Variants in MYF6 observed in about 807,000 individuals in gnomAD.
MYF6 encodes myogenic factor 6.
MYF6 carries 20 observed loss-of-function variants against 21.7 expected under a neutral mutation model. That is an observed-to-expected ratio of 0.92 (90% CI 0.65 to 1.34). MYF6 has a LOEUF of 1.34. Ranked by LOEUF, MYF6 falls within the 40% of genes most tolerant of loss-of-function variation. The pLI, the probability that MYF6 is intolerant of heterozygous loss-of-function variation, is 0.00. For missense variants in MYF6, 320 were observed against 304.1 expected (o/e 1.05, Z -0.39); for synonymous variants, 124 against 124.7 (o/e 0.99, Z 0.04).
rs143786238 is a variant in MYF6 at position 80,708,594 on chromosome 12, T to C, written c.590T>C (p.Leu197Pro). 1.2e-6 allele frequency: 2 copies of C among 1,614,160 alleles called. No homozygotes were observed. The highest frequency in any genetic ancestry group is 1.7e-6 in the Non-Finnish European group (2 of 1,180,020). The change falls in exon 2 of 3, where the codon CTC becomes CCC. Residue 197 changes from leucine (L) to proline (P), a missense_variant. Physicochemically the swap from Leu to Pro is moderately conservative, Grantham distance 98 (BLOSUM62 -3). Coordinates refer to ENST00000228641, the MANE Select transcript of MYF6 (RefSeq NM_002469.3). ...AGTGTTTCCGATCATTCCAGGGGGC[T>C]CGTGATAACGGCTAAGGAAGGTAAA... Reference protein sequence around the residue: ...WPSVSDHSRGLVITAKEGGAS... With the variant: ...WPSVSDHSRGPVITAKEGGAS...
Position 80,708,629 on chromosome 12 carries a change from C to T in MYF6, c.610+15C>T, listed in dbSNP as rs920442790. The T allele has an allele frequency of 5.0e-6, 8 of 1,611,188 alleles. No homozygotes were observed. The South Asian group carries it at 5.5e-5, about 11-fold the overall frequency. ...GGCTAAGGAAGGTAAAGTAAAAGGG[C>T]TCTGGGCCGCACCAGAGAAAATCCG... On this transcript the variant is annotated intron_variant, in intron 2 of 2. Transcript: ENST00000228641.
chr12:80,709,069 C>A lies in MYF6; in HGVS notation c.*109C>A, dbSNP rs1213659206. On this transcript the variant is annotated 3_prime_UTR_variant, in exon 3 of 3. Transcript: ENST00000228641. ...TTACATTAACATTTAGGAACCCAGACCGAAAAGTTGCTGAAAGGGAAGGAG... is the reference window on the plus strand; with the variant it reads ...TTACATTAACATTTAGGAACCCAGAACGAAAAGTTGCTGAAAGGGAAGGAG... 4 of 917,978 alleles carry A rather than the reference C, an allele frequency of 4.4e-6. No individual in the cohort carries two copies. The Admixed American group carries it at 8.1e-5, about 19-fold the overall frequency. 56.9% of individuals were successfully genotyped at this position (917,978 alleles called of 1,614,324 possible).
Position 80,707,936 on chromosome 12 carries a change from T to G in MYF6, c.217T>G (p.Cys73Gly), listed in dbSNP as rs1447878155. Residue 73 changes from cysteine to glycine, a missense_variant, in exon 1 of 3, where the codon TGC (cysteine) becomes GGC (glycine). Cys to Gly is a radical substitution (Grantham distance 159). Coordinates refer to ENST00000228641, the MANE Select transcript of MYF6 (RefSeq NM_002469.3). ...GCCCCCGGGCCTGCAGCCTCCACAC[T>G]GCCCCGGCCAGTGTCTGATCTGGGC... is the stretch of plus-strand genomic sequence containing the variant. The part of the protein sequence containing the change: ...LAPPGLQPPH[C>G]PGQCLIWACK... The G allele has an allele frequency of 6.2e-7, 1 of 1,613,962 alleles. No individual in the cohort carries two copies. The highest frequency in any genetic ancestry group is 1.3e-5 in the African/African-American group (1 of 74,892).
Position 80,708,959 on chromosome 12 carries a change from A to C in MYF6, c.728A>C (p.Ter243SerextTer24). 6.2e-7 allele frequency: 1 copy of C among 1,609,396 alleles called. No homozygotes were observed. The highest frequency in any genetic ancestry group is 8.5e-7 in the Non-Finnish European group (1 of 1,175,674). The change falls in exon 3 of 3, where the codon TAA becomes TCA. Residue 243 changes from the stop codon to serine (S), a stop_lost. Transcript: ENST00000228641. ...LPCVEEVVEK[*>S] ...TGCGTGGAGGAAGTGGTGGAGAAGTAACTGAGCCTGCGCTTGAGACCTTCT... is the reference window on the plus strand; with the variant it reads ...TGCGTGGAGGAAGTGGTGGAGAAGTCACTGAGCCTGCGCTTGAGACCTTCT...
In MYF6 at chr12:80,708,488, T is replaced by C. The variant is rs750413604; in HGVS notation, c.520-36T>C. ...ACCCCAACCCCGGAACCGATGTTTC[T>C]TTCCTAATCTGCCGCTGCCTTGGTT... is the stretch of plus-strand genomic sequence containing the variant. On this transcript the variant is annotated intron_variant, in intron 1 of 2. Transcript: ENST00000228641. 28 of 1,467,812 alleles carry C rather than the reference T, an allele frequency of 1.9e-5. No individual in the cohort carries two copies. The Admixed American group carries it at 4.4e-4, about 23-fold the overall frequency. The allele number at this position is 1,467,812 out of a possible 1,614,324, so 90.9% of individuals were successfully genotyped here. A position where few individuals can be genotyped will look rare whatever the true frequency, so the allele number is the denominator to read the frequency against.
At position 80,707,850 on chromosome 12, in the gene MYF6, G is replaced by C; in HGVS notation, c.131G>C (p.Cys44Ser). ...GGGAGTGATGGTACCTTGTCCCCCT[G>C]CCAGGACCAAATGCCCCCGGAAGCG... ...YPGSDGTLSP[C>S]QDQMPPEAGS... The change falls in exon 1 of 3, where the codon TGC (cysteine) becomes TCC (serine). Residue 44 changes from cysteine to serine, a missense_variant. By Grantham distance (112) the Cys-to-Ser change is moderately radical. Coordinates refer to ENST00000228641, the MANE Select transcript of MYF6 (RefSeq NM_002469.3). 1 of 1,614,210 alleles carries C rather than the reference G, an allele frequency of 6.2e-7. No individual in the cohort carries two copies. The highest frequency in any genetic ancestry group is 8.5e-7 in the Non-Finnish European group (1 of 1,180,036).
intron 1 of MYF6, 92 bp downstream of exon 1, chr12:80,708,330 C>G: frequency 1.9e-5 from 29 of 1,517,126 alleles, no homozygotes; most frequent in Non-Finnish European, 2.5e-5. Context: ...GTCTTTTTTC[C>G]CTTCCCCCTT....
In MYF6 at chr12:80,708,130, C is replaced by G. The variant is rs1198999732; in HGVS notation, c.411C>G (p.Ala137=). ...CCAAGGTGGAGATTCTGCGGAGCGC[C>G]ATCAGCTATATTGAGCGGCTGCAGG... The part of the protein sequence containing the change: ...RLPKVEILRS[A]ISYIERLQDL... The change falls in exon 1 of 3, where the codon GCC becomes GCG. Residue 137 remains alanine, a synonymous_variant. Transcript: ENST00000228641. The G allele has an allele frequency of 6.2e-7, 1 of 1,614,198 alleles. No individual in the cohort carries two copies. Among genetic ancestry groups the G allele is most frequent in the South Asian group, 1.1e-5 (1 of 91,090 alleles).
chr12:80,709,199 G>T lies in MYF6; in HGVS notation c.*239G>T. 1.9e-6 allele frequency: 1 copy of T among 515,106 alleles called. No homozygotes were observed. The highest frequency in any genetic ancestry group is 3.5e-6 in the Non-Finnish European group (1 of 284,630). The allele number at this position is 515,106 out of a possible 1,614,324, so 31.9% of individuals were successfully genotyped here. A position where few individuals can be genotyped will look rare whatever the true frequency, so the allele number is the denominator to read the frequency against. ...TTTTATTTTTTTGGAACTGCGAGTG[G>T]CTTAGGTCTAGCCTCATTTTGTTTT... is the stretch of plus-strand genomic sequence containing the variant. On this transcript the variant is annotated 3_prime_UTR_variant, in exon 3 of 3. Transcript: ENST00000228641.
intron 2 of MYF6, 109 bp from the exon 3 acceptor site, chr12:80,708,733 G>T: frequency 6.6e-7 from 1 of 1,518,598 alleles, no homozygotes; most frequent in Non-Finnish European, 9.1e-7. Context: ...CGCTCTTTGC[G>T]CGCCGGGACC....
rs1868382971 is a variant in MYF6, at chr12:80,707,732, CT to C, written c.18del (p.Phe6LeufsTer20). On this transcript the variant is annotated frameshift_variant, in exon 1 of 3. Coordinates refer to ENST00000228641, the MANE Select transcript of MYF6 (RefSeq NM_002469.3). LOFTEE classifies it high-confidence loss of function. MMMD[L>X]FETGSYFFYL... ...CAAGGAGGAGAACATGATGATGGACCTTTTTGAAACTGGCTCCTATTTCTTC... is the reference window on the plus strand; with the variant it reads ...CAAGGAGGAGAACATGATGATGGACCTTTTGAAACTGGCTCCTATTTCTTC... 1 of 1,614,022 alleles carries C rather than the reference CT, an allele frequency of 6.2e-7. No homozygotes were observed. The highest frequency in any genetic ancestry group is 1.1e-5 in the South Asian group (1 of 91,082).
rs757639492 is a variant in MYF6, at chr12:80,708,876, C to T, written c.645C>T (p.Ser215=). 6.2e-7 allele frequency: 1 copy of T among 1,614,214 alleles called. No individual in the cohort carries two copies. Among genetic ancestry groups the T allele is most frequent in the Non-Finnish European group, 8.5e-7 (1 of 1,180,024 alleles). The change falls in exon 3 of 3, where the codon AGC becomes AGT. Residue 215 remains serine, a synonymous_variant. Coordinates refer to ENST00000228641, the MANE Select transcript of MYF6 (RefSeq NM_002469.3). The stretch of plus-strand genomic sequence containing the variant: ...GTATTGATTCGTCAGCCTCGAGTAG[C>T]CTTCGATGCCTTTCTTCCATCGTGG... ...GASIDSSASS[S]LRCLSSIVDS... is the part of the protein sequence containing the mutation.
rs759406297 is a variant in MYF6 at position 80,708,989 on chromosome 12, G to T, written c.*29G>T. The T allele has an allele frequency of 2.0e-6, 3 of 1,530,994 alleles. No homozygotes were observed. The African/African-American group carries it at 4.1e-5, about 21-fold the overall frequency. The allele number at this position is 1,530,994 out of a possible 1,614,324, so 94.8% of individuals were successfully genotyped here. On this transcript the variant is annotated 3_prime_UTR_variant, in exon 3 of 3. Coordinates refer to ENST00000228641, the MANE Select transcript of MYF6 (RefSeq NM_002469.3). ...AGCCTGCGCTTGAGACCTTCTCCAC[G>T]CAGCAGGAAGATCCCACCGACCCTT...
At chr12:80,708,805 T>C in intron 2 of MYF6, 37 bp from the exon 3 acceptor site, 1 of 1,593,408 alleles carries the variant, frequency 6.3e-7, no homozygotes, top group Non-Finnish European at 8.6e-7. Context: ...GTGTTCCTTC[T>C]TTGGGTGCTA....
In MYF6 at chr12:80,708,742, C is replaced by G. The variant is rs1868419194; in HGVS notation, c.611-100C>G. On this transcript the variant is annotated intron_variant, in intron 2 of 2. Transcript: ENST00000228641. ...AAAGGGCGCTCTTTGCGCGCCGGGA[C>G]CAGGCCTTTCCTCGCTGCCAAAGCG... The G allele has an allele frequency of 1.3e-5, 19 of 1,513,224 alleles. No homozygotes were observed. In the South Asian group the frequency reaches 1.9e-4, roughly 15 times the overall value. The allele number at this position is 1,513,224 out of a possible 1,614,324, so 93.7% of individuals were successfully genotyped here.
In MYF6 at chr12:80,709,345, G is replaced by C. The variant is rs1313567087; in HGVS notation, c.*385G>C. The C allele has an allele frequency of 5.5e-6, 1 of 181,094 alleles. No homozygotes were observed. Among genetic ancestry groups the C allele is most frequent in the Non-Finnish European group, 1.2e-5 (1 of 84,770 alleles). 11.2% of individuals were successfully genotyped at this position (181,094 alleles called of 1,614,324 possible). On this transcript the variant is annotated 3_prime_UTR_variant, in exon 3 of 3. Coordinates refer to ENST00000228641, the MANE Select transcript of MYF6 (RefSeq NM_002469.3). The stretch of plus-strand genomic sequence containing the variant: ...GCATTTAATGTTAGGGGTATTTAAT[G>C]TATTTTTGTAAATAGTTTAACACTT...
In MYF6 at chr12:80,707,663, C is replaced by G; in HGVS notation, c.-57C>G. 1 of 1,606,708 alleles carries G rather than the reference C, an allele frequency of 6.2e-7. No individual in the cohort carries two copies. Among genetic ancestry groups the G allele is most frequent in the Non-Finnish European group, 8.5e-7 (1 of 1,173,736 alleles). On this transcript the variant is annotated 5_prime_UTR_variant, in exon 1 of 3. Transcript: ENST00000228641. ...ATTAAATGCCATCTGGGTGGTTCCT[C>G]TGGGTTTTTGAGTCCATCACCCAGT...
Position 80,708,914 on chromosome 12 carries a change from C to A in MYF6, c.683C>A (p.Ser228Ter). 1 of 1,614,204 alleles carries A rather than the reference C, an allele frequency of 6.2e-7. No individual in the cohort carries two copies. The highest frequency in any genetic ancestry group is 8.5e-7 in the Non-Finnish European group (1 of 1,180,028). ...TCTTCCATCGTGGACAGTATTTCCT[C>A]GGAGGAACGCAAACTCCCCTGCGTG... The part of the protein sequence containing the change: ...CLSSIVDSIS[S>*]EERKLPCVEE... Residue 228 changes from serine to a stop codon, truncating the protein, a stop_gained, in exon 3 of 3, where the codon TCG becomes TAG. Coordinates refer to ENST00000228641, the MANE Select transcript of MYF6 (RefSeq NM_002469.3). LOFTEE classifies it high-confidence loss of function.
chr12:80,709,014 T>C lies in MYF6; in HGVS notation c.*54T>C. ...GCAGCAGGAAGATCCCACCGACCCT[T>C]CCTGGCCTAATCCTTTAGATTAGGT... On this transcript the variant is annotated 3_prime_UTR_variant, in exon 3 of 3. Coordinates refer to ENST00000228641, the MANE Select transcript of MYF6 (RefSeq NM_002469.3). 1 of 1,376,130 alleles carries C rather than the reference T, an allele frequency of 7.3e-7. No individual in the cohort carries two copies. Among genetic ancestry groups the C allele is most frequent in the East Asian group, 2.3e-5 (1 of 43,752 alleles). The allele number at this position is 1,376,130 out of a possible 1,614,324, so 85.2% of individuals were successfully genotyped here.
Sources: gnomAD v4.1 joint callset for allele counts on GRCh38, gnomAD v4.1.1 for gene constraint, MANE v1.5 for transcripts, NCBI Gene and HGNC (gene_info 2026-07-23, HGNC 2026-07-21) for gene names.